Variants in DENND1B observed in about 807,000 individuals in gnomAD.
DENND1B encodes DENN domain containing 1B.
DENND1B carries 59 observed loss-of-function variants against 90.1 expected under a neutral mutation model. The observed-to-expected ratio is 0.65, with a 90% CI of 0.53 to 0.81. The LOEUF is 0.81. Ranked by LOEUF, DENND1B falls within the 40% of genes least tolerant of loss-of-function variation. The pLI is 0.00. For synonymous variants in DENND1B, 337 were observed against 324.6 expected (o/e 1.04, Z -0.41); for missense variants, 862 against 912.6 (o/e 0.94, Z 0.71).
intron 13 of DENND1B, among the ~76,000 whole-genome samples, chr1:197,602,945 T>C (rs989405274): frequency 6.6e-6 from 1 of 151,362 alleles, no homozygotes; most frequent in African/African-American, 2.4e-5. Flanking sequence ...AATGCACTCC[T>C]TCTTATGATT....
chr1:197,557,067 T>C (rs1309506777), intron 15 of DENND1B, among the ~76,000 whole-genome samples: 3 of 152,006 alleles, frequency 2.0e-5, no homozygotes, highest in Non-Finnish European at 2.9e-5. Context: ...TCATTCTATC[T>C]TGAGGTCAAA....
At chr1:197,591,317 G>C (rs758409127) in intron 14 of DENND1B, among the ~76,000 whole-genome samples, 9 of 152,194 alleles carry the variant, frequency 5.9e-5, no homozygotes, top group Non-Finnish European at 1.2e-4. Flanking sequence ...AGAAGCTTCA[G>C]AGAGGTCCTA....
intron 20 of DENND1B, among the ~76,000 whole-genome samples, chr1:197,513,401 C>T (rs1046729892): frequency 4.0e-5 from 6 of 151,576 alleles, no homozygotes; most frequent in African/African-American, 1.2e-4. Context: ...TCTTAATGTG[C>T]GTATAAATCG....
chr1:197,600,041 T>C (rs1036819653), intron 13 of DENND1B, among the ~76,000 whole-genome samples: 3 of 151,798 alleles, frequency 2.0e-5, no homozygotes, highest in African/African-American at 7.2e-5. Context: ...TTTATATATG[T>C]TATCTCTCCT....
rs1667931521 is a variant in DENND1B, at chr1:197,510,312, A to C, written c.*148T>G. On this transcript the variant is annotated 3_prime_UTR_variant, in exon 23 of 23. Transcript: ENST00000620048. Reference sequence around the variant, plus strand: ...ATATTTAAAAATCAATGCATTTCATATATCCTCGAAATGAACAAGTGAGAA... The same window carrying C: ...ATATTTAAAAATCAATGCATTTCATCTATCCTCGAAATGAACAAGTGAGAA... 1.1e-6 allele frequency: 1 copy of C among 870,718 alleles called. No homozygotes were observed. The highest frequency in any genetic ancestry group is 3.2e-5 in the Admixed American group (1 of 31,334). 53.9% of individuals were successfully genotyped at this position (870,718 alleles called of 1,614,324 possible). A position where few individuals can be genotyped will look rare whatever the true frequency, so the allele number is the denominator to read the frequency against.
intron 20 of DENND1B, among the ~76,000 whole-genome samples, chr1:197,538,878 T>A (rs918088048): frequency 1.3e-5 from 2 of 151,986 alleles, no homozygotes; most frequent in African/African-American, 2.4e-5. Context: ...AGTGCTGTTA[T>A]AAAAGGGTGA....
rs1412662726 is a variant in DENND1B, at chr1:197,508,350, T to C, written c.*2110A>G. On this transcript the variant is annotated 3_prime_UTR_variant, in exon 23 of 23. Transcript: ENST00000620048. ...TTTGCTATATGGACTTCTTCCATTA[T>C]AAACTTCAGTAAAGTAAGTTGTAAT... 2 of 151,798 alleles carry C rather than the reference T, an allele frequency of 1.3e-5. No individual in the cohort carries two copies. The highest frequency in any genetic ancestry group is 2.4e-5 in the African/African-American group (1 of 41,402). 9.4% of individuals were successfully genotyped at this position (151,798 alleles called of 1,614,324 possible). A position where few individuals can be genotyped will look rare whatever the true frequency, so the allele number is the denominator to read the frequency against.
At chr1:197,706,109 A>G (rs1659507789) in intron 3 of DENND1B, among the ~76,000 whole-genome samples, 1 of 152,174 alleles carries the variant, frequency 6.6e-6, no homozygotes, top group Non-Finnish European at 1.5e-5. Context: ...ACATACTTTT[A>G]TCAGCTTTCA....
chr1:197,688,738 C>G (rs1465877480), intron 3 of DENND1B: 1 of 152,552 alleles, frequency 6.6e-6, no homozygotes. Flanking sequence ...GTCATGAAAA[C>G]TACCCCTAAA....
chr1:197,680,268 C>T lies in DENND1B; in HGVS notation c.127-6099G>A, dbSNP rs529348531. Among the ~76,000 whole-genome samples, 44 of 152,192 alleles carry T rather than the reference C, an allele frequency of 2.9e-4. 1 individual carries two copies. In the South Asian group the frequency reaches 8.7e-3, roughly 30 times the overall value. ...TTGATGACCATATAACGTCCTACCC[C>T]CTTCAGACTAAATATATCTCCGCTT... is the stretch of plus-strand genomic sequence containing the variant. On this transcript the variant is annotated intron_variant, in intron 3 of 22. Transcript: ENST00000620048.
chr1:197,723,040 TTC>T (rs1661323632), intron 2 of DENND1B, among the ~76,000 whole-genome samples: 1 of 152,180 alleles, frequency 6.6e-6, no homozygotes, highest in Non-Finnish European at 1.5e-5. Flanking sequence ...ATTCTAACCT[TTC>T]TAAATATTTC....
At chr1:197,688,871 A>G (rs977069005) in intron 3 of DENND1B, 4 of 213,714 alleles carry the variant, frequency 1.9e-5, no homozygotes, top group Admixed American at 8.3e-5. Flanking sequence ...TGACCAAAGA[A>G]CCATTAAAAA....
rs1471333640 is a variant in DENND1B at position 197,638,452 on chromosome 1, A to C, written c.672+4259T>G. Among the ~76,000 whole-genome samples, 8 of 152,332 alleles carry C rather than the reference A, an allele frequency of 5.3e-5. No individual in the cohort carries two copies. In the East Asian group the frequency reaches 1.2e-3, roughly 22 times the overall value. ...TTAACATATTACTGACAGGATGATG[A>C]GAAAGCTCCTGTCAGATGCTGGCCA... On this transcript the variant is annotated intron_variant, in intron 10 of 22. Transcript: ENST00000620048.
chr1:197,664,040 T>G (rs575539422), intron 5 of DENND1B, among the ~76,000 whole-genome samples: 8 of 150,206 alleles, frequency 5.3e-5, no homozygotes, highest in Admixed American at 2.7e-4. Context: ...GAGAGAGAGA[T>G]AAAAAATACT....
intron 20 of DENND1B, among the ~76,000 whole-genome samples, chr1:197,525,045 C>CT (rs1669045933): frequency 1.3e-5 from 2 of 152,084 alleles, no homozygotes; most frequent in African/African-American, 4.8e-5. Flanking sequence ...TGGCAGCACT[C>CT]TATCAGGGAT....
intron 12 of DENND1B, among the ~76,000 whole-genome samples, chr1:197,607,923 G>T (rs1461446069): frequency 6.7e-6 from 1 of 150,312 alleles, no homozygotes; most frequent in Non-Finnish European, 1.5e-5. Flanking sequence ...AAACTAATAG[G>T]TATACTTAAT....
chr1:197,698,583 TAG>T (rs1282445522), intron 3 of DENND1B, among the ~76,000 whole-genome samples: 1 of 98,336 alleles, frequency 1.0e-5, no homozygotes, highest in Non-Finnish European at 2.0e-5. Flanking sequence ...TTGAAGGAGA[TAG>T]ACACATGAAA....
At chr1:197,558,869 GA>G (rs1478183066) in intron 15 of DENND1B, among the ~76,000 whole-genome samples, 43 of 151,740 alleles carry the variant, frequency 2.8e-4, no homozygotes, top group African/African-American at 9.9e-4. Flanking sequence ...ACTGTTAAAT[GA>G]AAATTAACAT....
At chr1:197,781,522 T>G in the DENND1B span, among the ~76,000 whole-genome samples, 1 of 152,326 alleles carries the variant, frequency 6.6e-6, no homozygotes, top group Non-Finnish European at 1.5e-5. Flanking sequence ...GAAAACATCC[T>G]CCTGGCATGT....
Sources: gnomAD v4.1 joint callset for allele counts (sites outside exome capture counted in the v4.1 genomes callset) on GRCh38, gnomAD v4.1.1 for gene constraint, MANE v1.5 for transcripts, NCBI Gene and HGNC (gene_info 2026-07-23, HGNC 2026-07-21) for gene names.